The following PDZRN4 variants were observed in gnomAD, a reference collection of about 807,000 sequenced individuals.
The protein encoded by PDZRN4 is PDZ domain-containing RING finger protein 4.
Under a neutral mutation model 99.0 loss-of-function variants are expected in PDZRN4, and 70 were observed. That is an observed-to-expected ratio of 0.71 (90% CI 0.58 to 0.86). The LOEUF is 0.86. Ranked by LOEUF, PDZRN4 falls within the 40% of genes least tolerant of loss-of-function variation. PDZRN4 has a pLI of 0.00. For synonymous variants in PDZRN4, 551 were observed against 501.6 expected, an observed-to-expected ratio of 1.10 and a Z score of -1.32; for missense variants, 1,474 against 1,331.2, an observed-to-expected ratio of 1.11 and a Z score of -1.67.
At chr12:41,369,076 G>T (rs999689455) in intron 3 of PDZRN4, among the ~76,000 whole-genome samples, 2 of 152,036 alleles carry the variant, frequency 1.3e-5, no homozygotes, top group African/African-American at 4.8e-5. Flanking sequence ...TTTTCATAAA[G>T]ATAATTATTT....
intron 3 of PDZRN4, among the ~76,000 whole-genome samples, chr12:41,339,633 T>G (rs1271417949): frequency 8.8e-6 from 1 of 113,348 alleles, no homozygotes; most frequent in Non-Finnish European, 2.1e-5. Flanking sequence ...ATCAACAAAG[T>G]GAACAGACAA....
At chr12:41,234,416 C>A (rs562153197) in intron 3 of PDZRN4, among the ~76,000 whole-genome samples, 8 of 151,980 alleles carry the variant, frequency 5.3e-5, no homozygotes, top group Non-Finnish European at 1.0e-4. Context: ...AATCTAGAAC[C>A]TAGGCTGAGG....
At chr12:41,434,052 C>T (rs1239074891) in intron 3 of PDZRN4, among the ~76,000 whole-genome samples, 1 of 152,044 alleles carries the variant, frequency 6.6e-6, no homozygotes, top group Non-Finnish European at 1.5e-5. Flanking sequence ...AATCATTTTC[C>T]TACTTTTATT....
At chr12:41,314,269 T>C (rs972070672) in intron 3 of PDZRN4, among the ~76,000 whole-genome samples, 2 of 152,170 alleles carry the variant, frequency 1.3e-5, no homozygotes, top group African/African-American at 4.8e-5. Flanking sequence ...TGGTTTATCA[T>C]CACAGCAAGT....
intron 3 of PDZRN4, among the ~76,000 whole-genome samples, chr12:41,385,578 T>A (rs1258679422): frequency 6.6e-6 from 1 of 152,012 alleles, no homozygotes; most frequent in Non-Finnish European, 1.5e-5. Flanking sequence ...TAGAATAAAT[T>A]AGTAAATTCC....
chr12:41,440,394 C>T (rs949775573), intron 3 of PDZRN4, among the ~76,000 whole-genome samples: 5 of 152,064 alleles, frequency 3.3e-5, no homozygotes, highest in Admixed American at 2.6e-4. Flanking sequence ...TGATATTGAA[C>T]TTTTCCACGT....
chr12:41,281,936 C>T (rs7132922), intron 3 of PDZRN4, among the ~76,000 whole-genome samples: 2,517 of 152,258 alleles, frequency 0.017, 67 homozygotes, highest in African/African-American at 0.058. Context: ...ATGTAAAGAC[C>T]ATTGACAGTA....
At chr12:41,333,066 C>G (rs1951750562) in intron 3 of PDZRN4, among the ~76,000 whole-genome samples, 1 of 152,126 alleles carries the variant, frequency 6.6e-6, no homozygotes, top group South Asian at 2.1e-4. Flanking sequence ...AGGATTCAAA[C>G]CTGGCAGCCT....
intron 3 of PDZRN4, among the ~76,000 whole-genome samples, chr12:41,399,815 T>C (rs887549026): frequency 5.9e-5 from 9 of 152,082 alleles, no homozygotes; most frequent in Admixed American, 2.6e-4. Context: ...TTCCCCCTTA[T>C]ATTTCTTCCT....
Position 41,573,434 on chromosome 12 carries a change from C to T in PDZRN4, c.2655C>T (p.Pro885=). Residue 885 remains proline (P), a synonymous_variant, in exon 10 of 10, where the codon CCC becomes CCT. Coordinates refer to ENST00000402685, the MANE Select transcript of PDZRN4 (RefSeq NM_001164595.2). ...AGGAGTCTCAGAAGTGTTCAGAGCC[C>T]AAGATGGAATGGAAGGTGAAAATTA... ...MCKESQKCSE[P]KMEWKVKIRS... is the part of the protein sequence containing the mutation. 6.2e-7 allele frequency: 1 copy of T among 1,613,624 alleles called. No individual in the cohort carries two copies. Among genetic ancestry groups the T allele is most frequent in the South Asian group, 1.1e-5 (1 of 91,072 alleles).
chr12:41,553,031 T>C (rs1435031536), intron 6 of PDZRN4, among the ~76,000 whole-genome samples: 1 of 152,226 alleles, frequency 6.6e-6, no homozygotes, highest in African/African-American at 2.4e-5. Context: ...TAAATTCCCA[T>C]AAGAATGCAG....
intron 3 of PDZRN4, among the ~76,000 whole-genome samples, chr12:41,220,512 C>T (rs1566370210): frequency 6.6e-6 from 1 of 152,106 alleles, no homozygotes; most frequent in Non-Finnish European, 1.5e-5. Flanking sequence ...GAAGAGAATC[C>T]TCACTACTTA....
chr12:41,522,352 CA>C (rs1358015667), intron 5 of PDZRN4, among the ~76,000 whole-genome samples: 1 of 152,124 alleles, frequency 6.6e-6, no homozygotes, highest in Non-Finnish European at 1.5e-5. Flanking sequence ...GCAGACTTTC[CA>C]TGACTTACTT....
chr12:41,495,115 A>T (rs1355748220), intron 3 of PDZRN4, among the ~76,000 whole-genome samples: 3 of 151,988 alleles, frequency 2.0e-5, no homozygotes, highest in South Asian at 2.1e-4. Flanking sequence ...CTTAGAAAGT[A>T]TAAGTGTGTG....
intron 3 of PDZRN4, among the ~76,000 whole-genome samples, chr12:41,386,366 G>A (rs768874366): frequency 1.4e-4 from 22 of 151,988 alleles, no homozygotes; most frequent in Admixed American, 2.6e-4. Context: ...AAGAGAAGAA[G>A]TCAAACTTTG....
chr12:41,491,846 G>T (rs1277100485), intron 3 of PDZRN4, among the ~76,000 whole-genome samples: 2 of 152,150 alleles, frequency 1.3e-5, no homozygotes, highest in Non-Finnish European at 2.9e-5. Context: ...TGTGAAACCT[G>T]CAAATTTTTG....
chr12:41,507,982 G>A (rs1417257425), intron 4 of PDZRN4, among the ~76,000 whole-genome samples: 4 of 152,058 alleles, frequency 2.6e-5, no homozygotes, highest in African/African-American at 9.7e-5. Flanking sequence ...AAACATAGTA[G>A]CCATCCAACA....
intron 3 of PDZRN4, among the ~76,000 whole-genome samples, chr12:41,290,272 G>T (rs939075468): frequency 6.6e-6 from 1 of 152,142 alleles, no homozygotes; most frequent in Non-Finnish European, 1.5e-5. Flanking sequence ...TATCAAATAT[G>T]TTTAATAGGG....
intron 3 of PDZRN4, among the ~76,000 whole-genome samples, chr12:41,397,002 TAA>T (rs11311422): frequency 0.033 from 4,987 of 151,216 alleles, 120 homozygotes; most frequent in African/African-American, 0.071. Flanking sequence ...TAGTGTAATG[TAA>T]AAAAAAAATT....
Sources: allele counts gnomAD v4.1 joint callset (sites outside exome capture counted in the v4.1 genomes callset), GRCh38; gene constraint gnomAD v4.1.1; transcripts MANE v1.5; gene names NCBI Gene and HGNC (gene_info 2026-07-23, HGNC 2026-07-21).